KIF27: variants seen among roughly 807,000 people sequenced by gnomAD.
KIF27 encodes kinesin family member 27.
KIF27 carries 84 observed loss-of-function variants against 141.8 expected under a neutral mutation model. The observed-to-expected ratio is 0.59, with a 90% CI of 0.50 to 0.71. The LOEUF is 0.71. Among genes scored for constraint, KIF27 ranks in the 30% least tolerant of loss-of-function variants. KIF27 has a pLI of 0.00. For missense variants in KIF27, 1,306 were observed against 1,628.4 expected (o/e 0.80, Z 3.41); for synonymous variants, 471 against 569.5 (o/e 0.83, Z 2.46).
At chr9:83,851,136 G>A (rs898377070) in intron 15 of KIF27, among the ~76,000 whole-genome samples, 2 of 150,686 alleles carry the variant, frequency 1.3e-5, no homozygotes, top group African/African-American at 2.4e-5. Context: ...ACGCCCAGCC[G>A]ACACTTTCAT....
chr9:83,883,882 A>G lies in KIF27; in HGVS notation c.2376T>C (p.Asp792=), dbSNP rs1951873759. 1 of 1,613,358 alleles carries G rather than the reference A, an allele frequency of 6.2e-7. No individual in the cohort carries two copies. The highest frequency in any genetic ancestry group is 1.1e-5 in the South Asian group (1 of 91,076). Residue 792 remains aspartate, a synonymous_variant, in exon 10 of 18, where the codon GAT becomes GAC. Transcript: ENST00000297814. Reference sequence around the variant, plus strand: ...TCTGTAATTTTACCTTCATTGCAACATCAGAAAGATCTTTGTTTTCCAGCT... The same window carrying G: ...TCTGTAATTTTACCTTCATTGCAACGTCAGAAAGATCTTTGTTTTCCAGCT... The part of the protein sequence containing the change: ...LQELENKDLS[D]VAMKVKLQKE...
rs1029550204 is a variant in KIF27 at position 83,850,127 on chromosome 9, C to T, written c.3528G>A (p.Lys1176=). The T allele has an allele frequency of 6.2e-7, 1 of 1,613,972 alleles. No homozygotes were observed. The highest frequency in any genetic ancestry group is 1.3e-5 in the African/African-American group (1 of 75,054). The part of the protein sequence containing the change: ...LTLQQKEHEQ[K]MQLLLHHFKE... ...TGAAATGATGTAATAGCAACTGCAT[C>T]TTTTGTTCGTGTTCCTTTTGCTGGA... is the stretch of plus-strand genomic sequence containing the variant. The change falls in exon 16 of 18, where the codon AAG becomes AAA. Residue 1176 remains lysine (K), a synonymous_variant. Transcript: ENST00000297814.
intron 5 of KIF27, among the ~76,000 whole-genome samples, chr9:83,892,212 T>C (rs971798938): frequency 6.6e-6 from 1 of 152,244 alleles, no homozygotes; most frequent in African/African-American, 2.4e-5. Flanking sequence ...ATCTTAATAC[T>C]TCACATGTAC....
intron 1 of KIF27, among the ~76,000 whole-genome samples, chr9:83,916,575 A>T (rs940975029): frequency 2.6e-5 from 4 of 152,236 alleles, no homozygotes; most frequent in Admixed American, 2.0e-4. Context: ...GCTAGAATTA[A>T]TACATTAAAA....
At chr9:83,892,548 C>CACA (rs1278226153) in intron 5 of KIF27, among the ~76,000 whole-genome samples, 2 of 151,922 alleles carry the variant, frequency 1.3e-5, no homozygotes, top group African/African-American at 4.8e-5. Context: ...AAATAAAAGG[C>CACA]ACAATGGTGG....
intron 16 of KIF27, among the ~76,000 whole-genome samples, chr9:83,848,065 T>TG (rs371955116): frequency 0.043 from 457 of 10,638 alleles, 154 homozygotes; most frequent in Non-Finnish European, 0.072. Flanking sequence ...ATATATCATA[T>TG]ATATGATATA....
At chr9:83,916,989 A>G (rs1484750346) in intron 1 of KIF27, among the ~76,000 whole-genome samples, 1 of 151,646 alleles carries the variant, frequency 6.6e-6, no homozygotes, top group Non-Finnish European at 1.5e-5. Context: ...TTAAATATAT[A>G]TATTTTATTA....
chr9:83,865,808 A>G (rs1357499996), intron 13 of KIF27, among the ~76,000 whole-genome samples: 2 of 152,168 alleles, frequency 1.3e-5, no homozygotes, highest in Non-Finnish European at 2.9e-5. Context: ...AATGTCCATC[A>G]TATTTCAGAG....
intron 3 of KIF27, 65 bp downstream of exon 3, chr9:83,908,387 T>G (rs1238028852): frequency 1.1e-6 from 1 of 889,500 alleles, no homozygotes; most frequent in African/African-American, 1.7e-5. Context: ...ATCCAGAAAC[T>G]TAATTAAAGC....
chr9:83,850,843 T>TC, intron 15 of KIF27, among the ~76,000 whole-genome samples: 1 of 119,776 alleles, frequency 8.3e-6, no homozygotes, highest in Non-Finnish European at 1.8e-5. Flanking sequence ...TTTTTTTTTT[T>TC]TTTTTTTTTT....
chr9:83,880,416 C>G lies in KIF27; in HGVS notation c.2524G>C (p.Glu842Gln). The G allele has an allele frequency of 6.2e-7, 1 of 1,613,584 alleles. No individual in the cohort carries two copies. ...TATTTCATGTGATCTACACTCTGCT[C>G]TAGCTCATTAGCACGTTTCTCATTT... ...IQNEKRANEL[E>Q]QSVDHMKYQK... Residue 842 changes from glutamate to glutamine, a missense_variant, in exon 11 of 18, where the codon GAG becomes CAG. Physicochemically the swap from Glu to Gln is conservative, Grantham distance 29. Coordinates refer to ENST00000297814, the MANE Select transcript of KIF27 (RefSeq NM_017576.4).
rs1946136559 is a variant in KIF27 at position 83,838,273 on chromosome 9, GC to G, written c.3722-789del. 4.0e-5 allele frequency among the ~76,000 whole-genome samples: 6 copies of G among 151,558 alleles called. No homozygotes were observed. In the South Asian group the frequency reaches 1.3e-3, roughly 32 times the overall value. ...TTTTGAGACGGAGTCTCGCTCTGTCGCCCAGGTTGGAGTGCAGTGGCGTGAT... is the reference window on the plus strand; with the variant it reads ...TTTTGAGACGGAGTCTCGCTCTGTCGCCAGGTTGGAGTGCAGTGGCGTGAT... On this transcript the variant is annotated intron_variant, in intron 17 of 17. Coordinates refer to ENST00000297814, the MANE Select transcript of KIF27 (RefSeq NM_017576.4).
chr9:83,850,035 C>T, intron 16 of KIF27, 64 bp downstream of exon 16: 3 of 1,375,176 alleles, frequency 2.2e-6, no homozygotes, highest in Middle Eastern at 1.8e-4. Context: ...AAATTCTGTC[C>T]TATCTTCCTT....
intron 1 of KIF27, among the ~76,000 whole-genome samples, chr9:83,916,637 T>C (rs191233113): frequency 1.0e-3 from 154 of 151,962 alleles, no homozygotes; most frequent in Non-Finnish European, 1.7e-3. Context: ...AAACAAATAA[T>C]TGGTAACTAC....
intron 2 of KIF27, among the ~76,000 whole-genome samples, chr9:83,914,046 T>C (rs1416859839): frequency 6.6e-6 from 1 of 151,878 alleles, no homozygotes; most frequent in Non-Finnish European, 1.5e-5. Context: ...GGACAATAGA[T>C]AACTTCAATA....
Position 83,836,472 on chromosome 9 carries a change from GT to G in KIF27, c.*528del, listed in dbSNP as rs1396107244. On this transcript the variant is annotated 3_prime_UTR_variant, in exon 18 of 18. Transcript: ENST00000297814. ...CATGTTTAAAAAGTCAGGACTGACC[GT>G]TTCTGTGAGTTCTGAGGACTGTAAA... 1.5e-4 allele frequency among the ~76,000 whole-genome samples: 23 copies of G among 152,166 alleles called. No homozygotes were observed. The highest frequency in any genetic ancestry group is 5.5e-4 in the African/African-American group (23 of 41,522).
intron 17 of KIF27, among the ~76,000 whole-genome samples, chr9:83,838,054 C>T (rs1946101571): frequency 6.6e-6 from 1 of 152,152 alleles, no homozygotes; most frequent in South Asian, 2.1e-4. Context: ...GGACACCCCA[C>T]TGGAATTAGA....
intron 16 of KIF27, among the ~76,000 whole-genome samples, chr9:83,843,783 T>TGCA (rs1946868001): frequency 6.6e-6 from 1 of 152,178 alleles, no homozygotes; most frequent in East Asian, 1.9e-4. Context: ...TGTGTAGTGG[T>TGCA]GCAATCATGG....
intron 5 of KIF27, among the ~76,000 whole-genome samples, chr9:83,895,892 T>C (rs987352594): frequency 6.6e-5 from 10 of 150,764 alleles, no homozygotes; most frequent in African/African-American, 2.4e-4. Context: ...CTACTAAAAA[T>C]ACAAAAAAAA....
Sources: allele counts gnomAD v4.1 joint callset (sites outside exome capture counted in the v4.1 genomes callset), GRCh38; gene constraint gnomAD v4.1.1; transcripts MANE v1.5; gene names NCBI Gene and HGNC (gene_info 2026-07-23, HGNC 2026-07-21).